Variants in THSD7A observed in about 807,000 individuals in gnomAD.
THSD7A encodes the protein thrombospondin type 1 domain containing 7A.
A neutral mutation model predicts 231.3 loss-of-function variants in THSD7A; 96 were observed. That is an observed-to-expected ratio of 0.41 (90% confidence interval 0.35 to 0.49). THSD7A has a LOEUF of 0.49. Ranked by LOEUF, THSD7A falls within the 20% of genes least tolerant of loss-of-function variation. The pLI, the probability that THSD7A is intolerant of heterozygous loss-of-function variation, is 0.05. For missense variants in THSD7A, 2,290 were observed against 2,070.2 expected (o/e 1.11, Z -2.06); for synonymous variants, 940 against 743.3 (o/e 1.26, Z -4.30).
chr7:11,802,002 G>T (rs751072143), intron 1 of THSD7A, among the ~76,000 whole-genome samples: 5 of 152,104 alleles, frequency 3.3e-5, no homozygotes, highest in Admixed American at 6.6e-5. Flanking sequence ...GATGTTAAAG[G>T]TTATTTATAT....
In THSD7A at chr7:11,769,154, T is replaced by TATATATATCTATATA. The variant is rs1554275711; in HGVS notation, c.190+62602_190+62603insTATATAGATATATAT. 3.1e-4 allele frequency among the ~76,000 whole-genome samples: 9 copies of TATATATATCTATATA among 29,392 alleles called. 1 individual carries two copies. The East Asian group carries it at 5.8e-3, about 19-fold the overall frequency. 19.3% of individuals were successfully genotyped at this position (29,392 alleles called of 152,430 possible). ...ATATATATATATATATATATATATATTTTTTTTTTTTTTTGGTATTTTTGT... is the reference window on the plus strand; with the variant it reads ...ATATATATATATATATATATATATATATATATATCTATATATTTTTTTTTTTTTTGGTATTTTTGT... On this transcript the variant is annotated intron_variant, in intron 1 of 27. Coordinates refer to ENST00000423059, the MANE Select transcript of THSD7A (RefSeq NM_015204.3).
At chr7:11,664,902 G>A (rs1240989969) in intron 1 of THSD7A, among the ~76,000 whole-genome samples, 1 of 151,938 alleles carries the variant, frequency 6.6e-6, no homozygotes, top group Non-Finnish European at 1.5e-5. Context: ...GAATCAATAA[G>A]ATGGTGTCGC....
chr7:11,683,792 G>A (rs1271066211), intron 1 of THSD7A, among the ~76,000 whole-genome samples: 1 of 151,966 alleles, frequency 6.6e-6, no homozygotes, highest in African/African-American at 2.4e-5. Context: ...TCTACCAGAT[G>A]TACAAACAAG....
At chr7:11,378,981 A>G (rs1431628744) in intron 26 of THSD7A, 89 bp downstream of exon 26, 1 of 1,241,804 alleles carries the variant, frequency 8.1e-7, no homozygotes, top group Non-Finnish European at 1.1e-6. Context: ...AATAGCTCAT[A>G]TAAAAATGCT....
intron 1 of THSD7A, among the ~76,000 whole-genome samples, chr7:11,704,138 AAGAT>A (rs977930703): frequency 1.3e-5 from 2 of 151,072 alleles, no homozygotes; most frequent in African/African-American, 4.8e-5. Context: ...AAGTGGGAAA[AAGAT>A]AGTTTCTACC....
intron 1 of THSD7A, among the ~76,000 whole-genome samples, chr7:11,671,356 A>T (rs1783385252): frequency 6.6e-6 from 1 of 152,190 alleles, no homozygotes; most frequent in Admixed American, 6.5e-5. Flanking sequence ...ATTCAGAACT[A>T]TAAACTGCTT....
intron 1 of THSD7A, among the ~76,000 whole-genome samples, chr7:11,769,187 G>T (rs1047508623): frequency 1.8e-5 from 2 of 108,354 alleles, no homozygotes; most frequent in African/African-American, 3.3e-5. Flanking sequence ...TGTAGAGATG[G>T]GGTTTCACTA....
At chr7:11,571,658 T>G (rs1790635868) in intron 4 of THSD7A, among the ~76,000 whole-genome samples, 1 of 152,234 alleles carries the variant, frequency 6.6e-6, no homozygotes, top group African/African-American at 2.4e-5. Flanking sequence ...AGATGTCCGT[T>G]TGTCATGCTC....
intron 1 of THSD7A, among the ~76,000 whole-genome samples, chr7:11,720,781 G>A (rs749497527): frequency 1.3e-5 from 2 of 151,620 alleles, no homozygotes; most frequent in African/African-American, 2.4e-5. Context: ...AGCAGTGTTA[G>A]ACATCTTCAC....
intron 1 of THSD7A, among the ~76,000 whole-genome samples, chr7:11,746,675 T>A (rs896491948): frequency 2.0e-5 from 3 of 151,850 alleles, no homozygotes; most frequent in African/African-American, 7.2e-5. Context: ...TAGATTAACA[T>A]GACACTACTA....
At chr7:11,392,824 C>T (rs1364792061) in intron 23 of THSD7A, among the ~76,000 whole-genome samples, 1 of 152,220 alleles carries the variant, frequency 6.6e-6, no homozygotes, top group Admixed American at 6.5e-5. Flanking sequence ...AGCCAGACTG[C>T]CTCTCTAGAT....
chr7:11,437,802 A>ATCTT (rs530097933), intron 13 of THSD7A, among the ~76,000 whole-genome samples: 23 of 152,052 alleles, frequency 1.5e-4, no homozygotes, highest in Non-Finnish European at 2.9e-4. Flanking sequence ...AACCTATATA[A>ATCTT]TCTTTGGTAG....
intron 1 of THSD7A, among the ~76,000 whole-genome samples, chr7:11,733,002 A>G (rs1425101835): frequency 4.6e-5 from 7 of 151,802 alleles, no homozygotes; most frequent in Admixed American, 2.6e-4. Context: ...AGTATTTGGT[A>G]ATGTTACCAG....
chr7:11,370,412 A>C lies in THSD7A; in HGVS notation c.*5382T>G, dbSNP rs1275407394. 6.6e-6 allele frequency: 1 copy of C among 152,222 alleles called. No individual in the cohort carries two copies. The highest frequency in any genetic ancestry group is 1.5e-5 in the Non-Finnish European group (1 of 68,038). The allele number at this position is 152,222 out of a possible 1,614,324, so 9.4% of individuals were successfully genotyped here. A position where few individuals can be genotyped will look rare whatever the true frequency, so the allele number is the denominator to read the frequency against. Reference sequence around the variant, plus strand: ...CCATATTTAAGAAGCAATTGGTGCAAATCAAAACACAGATACACATGATTA... The same window carrying C: ...CCATATTTAAGAAGCAATTGGTGCACATCAAAACACAGATACACATGATTA... On this transcript the variant is annotated 3_prime_UTR_variant, in exon 28 of 28. Transcript: ENST00000423059.
intron 1 of THSD7A, among the ~76,000 whole-genome samples, chr7:11,766,984 A>G (rs1783050886): frequency 6.6e-6 from 1 of 152,186 alleles, no homozygotes; most frequent in African/African-American, 2.4e-5. Flanking sequence ...CTTTGTTTCT[A>G]GAAAATGCAA....
At chr7:11,400,082 G>A (rs1390468700) in intron 23 of THSD7A, among the ~76,000 whole-genome samples, 2 of 149,126 alleles carry the variant, frequency 1.3e-5, no homozygotes, top group Non-Finnish European at 3.0e-5. Context: ...AACACCGCAT[G>A]TTCTCACTCA....
intron 1 of THSD7A, among the ~76,000 whole-genome samples, chr7:11,702,876 A>T (rs1264954283): frequency 6.6e-6 from 1 of 151,276 alleles, no homozygotes; most frequent in Non-Finnish European, 1.5e-5. Flanking sequence ...ATGGTTACTG[A>T]CATCACTTAC....
intron 6 of THSD7A, among the ~76,000 whole-genome samples, chr7:11,517,843 A>G (rs1022626084): frequency 1.3e-5 from 2 of 152,266 alleles, no homozygotes; most frequent in Non-Finnish European, 2.9e-5. Flanking sequence ...AGAAAAATTT[A>G]ACATTTATAA....
intron 9 of THSD7A, among the ~76,000 whole-genome samples, chr7:11,463,252 C>G (rs1236819254): frequency 6.6e-6 from 1 of 152,166 alleles, no homozygotes; most frequent in Non-Finnish European, 1.5e-5. Flanking sequence ...CTTTCTCATT[C>G]AGTCAAAGAT....
Sources: gnomAD v4.1 joint callset for allele counts (sites outside exome capture counted in the v4.1 genomes callset) on GRCh38, gnomAD v4.1.1 for gene constraint, MANE v1.5 for transcripts, NCBI Gene and HGNC (gene_info 2026-07-23, HGNC 2026-07-21) for gene names.